Variants in WLS observed in about 807,000 individuals in gnomAD.
WLS encodes protein wntless homolog.
A neutral mutation model predicts 62.8 loss-of-function variants in WLS; 23 were observed. That is an observed-to-expected ratio of 0.37 (90% CI 0.26 to 0.52). WLS has a LOEUF of 0.52. Ranked by LOEUF, WLS falls within the 20% of genes least tolerant of loss-of-function variation. The pLI is 0.92. For missense variants in WLS, 615 were observed against 697.3 expected (o/e 0.88, Z 1.33); for synonymous variants, 246 against 244.1 (o/e 1.01, Z -0.07).
intron 3 of WLS, 98 bp downstream of exon 3, chr1:68,159,025 C>T: frequency 1.3e-6 from 2 of 1,498,420 alleles, no homozygotes; most frequent in Non-Finnish European, 1.8e-6. Context: ...AAGCTGTCCT[C>T]ATGCGAAGAA....
rs571731865 is a variant in WLS at position 68,186,987 on chromosome 1, G to A, written c.379+6968C>T. Among the ~76,000 whole-genome samples, 69 of 151,710 alleles carry A rather than the reference G, an allele frequency of 4.5e-4. 2 individuals are homozygous for A. The South Asian group carries it at 0.013, about 28-fold the overall frequency. ...CGCATTTTGGGAGGCCGAGGCGGGC[G>A]GATCACAAGGTCAGGAGATCGAGAC... On this transcript the variant is annotated intron_variant, in intron 2 of 11. Coordinates refer to ENST00000262348, the MANE Select transcript of WLS (RefSeq NM_024911.7).
At chr1:68,114,837 C>T (rs1646270340) in intron 11 of WLS, among the ~76,000 whole-genome samples, 3 of 152,254 alleles carry the variant, frequency 2.0e-5, no homozygotes, top group South Asian at 4.1e-4. Flanking sequence ...GAACAGAGAA[C>T]CCCCTCTGGG....
At chr1:68,179,462 TA>T (rs1259534406) in intron 2 of WLS, among the ~76,000 whole-genome samples, 2 of 152,164 alleles carry the variant, frequency 1.3e-5, no homozygotes, top group African/African-American at 4.8e-5. Flanking sequence ...GCAAATCATG[TA>T]AACTCTGTCA....
intron 1 of WLS, among the ~76,000 whole-genome samples, chr1:68,198,616 A>G (rs1648812819): frequency 6.6e-6 from 1 of 152,156 alleles, no homozygotes; most frequent in Non-Finnish European, 1.5e-5. Context: ...AGTATCTACC[A>G]TGCACTAGAC....
intron 4 of WLS, 81 bp from the exon 5 acceptor site, chr1:68,153,734 G>C (rs1209254558): frequency 6.3e-7 from 1 of 1,582,296 alleles, no homozygotes; most frequent in East Asian, 2.2e-5. Flanking sequence ...TTGTGGGAGA[G>C]GTAAGTGGAG....
At chr1:68,118,546 G>A (rs886671363) in intron 11 of WLS, among the ~76,000 whole-genome samples, 1 of 152,122 alleles carries the variant, frequency 6.6e-6, no homozygotes. Flanking sequence ...CAATGATAGG[G>A]ATATTGTTTA....
At chr1:68,188,936 C>G (rs145473081) in intron 2 of WLS, among the ~76,000 whole-genome samples, 1 of 152,308 alleles carries the variant, frequency 6.6e-6, no homozygotes, top group African/African-American at 2.4e-5. Context: ...TAAATTAAAG[C>G]TAAAAGAGTC....
rs776089916 is a variant in WLS, at chr1:68,098,732, G to A, written c.1532C>T (p.Ser511Leu). Reference sequence around the variant, plus strand: ...AACAAACAAAGCACAATCTTCCCTCGATTTACATGGGAGTTGCATTCCTGG... The same window carrying A: ...AACAAACAAAGCACAATCTTCCCTCAATTTACATGGGAGTTGCATTCCTGG... Residue 511 changes from serine (S) to leucine (L), a missense_variant, in exon 12 of 12, where the codon TCG (serine) becomes TTG (leucine). Ser to Leu is a moderately radical substitution (Grantham distance 145, BLOSUM62 -2). Coordinates refer to the WLS transcript ENST00000354777. 2.0e-5 allele frequency: 33 copies of A among 1,613,404 alleles called. 1 individual carries two copies. Among genetic ancestry groups the A allele is most frequent in the South Asian group, 3.3e-5 (3 of 91,018 alleles).
At chr1:68,123,121 T>C (rs934836412), downstream of WLS, among the ~76,000 whole-genome samples, 1 of 152,178 alleles carries the variant, frequency 6.6e-6, no homozygotes, top group African/African-American at 2.4e-5. Context: ...GTCTCCATTT[T>C]ACTCTGGCTC....
At chr1:68,175,152 AG>A (rs2100551578) in intron 2 of WLS, among the ~76,000 whole-genome samples, 1 of 152,384 alleles carries the variant, frequency 6.6e-6, no homozygotes, top group Admixed American at 6.5e-5. Flanking sequence ...GATGCTGAAA[AG>A]ATCTCAGAAA....
At chr1:68,124,868 C>T (rs1646406471), downstream of WLS, among the ~76,000 whole-genome samples, 1 of 152,154 alleles carries the variant, frequency 6.6e-6, no homozygotes, top group African/African-American at 2.4e-5. Flanking sequence ...TGGTTTTAGA[C>T]TCCAGGAAAA....
chr1:68,130,940 CTGGAGTGGAG>C (rs1198416246), intron 11 of WLS, among the ~76,000 whole-genome samples: 8 of 131,806 alleles, frequency 6.1e-5, no homozygotes, highest in African/African-American at 2.3e-4. Flanking sequence ...GTCACCCAGG[CTGGAGTGGAG>C]TGGAGCGATC....
In WLS at chr1:68,150,114, G is replaced by A. The variant is rs539303478; in HGVS notation, c.972+74C>T. 5 of 1,504,938 alleles carry A rather than the reference G, an allele frequency of 3.3e-6. No individual in the cohort carries two copies. In the East Asian group the frequency reaches 9.1e-5, roughly 27 times the overall value. 93.2% of individuals were successfully genotyped at this position (1,504,938 alleles called of 1,614,324 possible). A position where few individuals can be genotyped will look rare whatever the true frequency, so the allele number is the denominator to read the frequency against. ...TCACCCACTGCTGACTAGAGGCAAA[G>A]GGGGGCAGGTGTCAGCTTGGCAGCC... On this transcript the variant is annotated intron_variant, in intron 6 of 11. Transcript: ENST00000262348.
At chr1:68,106,633 T>C (rs1354223601) in intron 11 of WLS, among the ~76,000 whole-genome samples, 1 of 152,128 alleles carries the variant, frequency 6.6e-6, no homozygotes, top group Non-Finnish European at 1.5e-5. Flanking sequence ...TGTAGGCAGC[T>C]CAGTGCTTCT....
At chr1:68,135,695 TCTAC>T (rs1469894782) in intron 11 of WLS, among the ~76,000 whole-genome samples, 1 of 152,190 alleles carries the variant, frequency 6.6e-6, no homozygotes, top group African/African-American at 2.4e-5. Flanking sequence ...AGGTAGAAAC[TCTAC>T]CTACTCACAT....
At chr1:68,099,991 A>G (rs1014900358) in intron 11 of WLS, among the ~76,000 whole-genome samples, 3 of 152,262 alleles carry the variant, frequency 2.0e-5, no homozygotes, top group African/African-American at 4.8e-5. Flanking sequence ...GAGAGTATAC[A>G]GTAGTTACTT....
chr1:68,206,854 C>G (rs1557520346), intron 1 of WLS, among the ~76,000 whole-genome samples: 1 of 152,196 alleles, frequency 6.6e-6, no homozygotes, highest in Non-Finnish European at 1.5e-5. Flanking sequence ...GAAAGTCACT[C>G]TTTTAAGTTT....
chr1:68,126,262 C>T lies in WLS; in HGVS notation c.1590G>A (p.Glu530=). Reference sequence around the variant, plus strand: ...CCTCCTTGCGGGTCAACTTGTAGATCTCAGTGGGTCCGTCCACATGGGTGA... The same window carrying T: ...CCTCCTTGCGGGTCAACTTGTAGATTTCAGTGGGTCCGTCCACATGGGTGA... The part of the protein sequence containing the change: ...TTITHVDGPT[E]IYKLTRKEAQ... Residue 530 remains glutamate (E), a synonymous_variant, in exon 12 of 12, where the codon GAG becomes GAA. Transcript: ENST00000262348. 1.2e-6 allele frequency: 2 copies of T among 1,614,192 alleles called. No homozygotes were observed. Among genetic ancestry groups the T allele is most frequent in the African/African-American group, 1.3e-5 (1 of 75,054 alleles).
At chr1:68,116,959 T>C (rs1268670836) in intron 11 of WLS, among the ~76,000 whole-genome samples, 1 of 152,174 alleles carries the variant, frequency 6.6e-6, no homozygotes, top group East Asian at 1.9e-4. Flanking sequence ...CATGAACCTG[T>C]ACGACTGGCC....
Sources: allele counts gnomAD v4.1 joint callset (sites outside exome capture counted in the v4.1 genomes callset), GRCh38; gene constraint gnomAD v4.1.1; transcripts MANE v1.5; gene names NCBI Gene and HGNC (gene_info 2026-07-23, HGNC 2026-07-21).